Variants in UST observed in about 807,000 individuals in gnomAD.
The protein encoded by UST is uronyl 2-sulfotransferase.
Under a neutral mutation model 45.6 loss-of-function variants are expected in UST, and 21 were observed. The ratio of observed to expected loss-of-function variants is 0.46; its 90% CI spans 0.33 to 0.66. UST has a LOEUF of 0.66. UST is among the 30% of genes least tolerant of loss of function. UST has a pLI of 0.02. For synonymous variants in UST, 215 were observed against 200.6 expected (o/e 1.07, Z -0.61); for missense variants, 463 against 512.4 (o/e 0.90, Z 0.93).
At chr6:149,019,892 G>A (rs941429119) in intron 6 of UST, among the ~76,000 whole-genome samples, 5 of 152,146 alleles carry the variant, frequency 3.3e-5, no homozygotes, top group South Asian at 4.1e-4. Context: ...TCATAGTCTC[G>A]TGTGTAGCAG....
intron 5 of UST, among the ~76,000 whole-genome samples, chr6:148,999,362 T>C (rs1380006374): frequency 6.6e-6 from 1 of 152,230 alleles, no homozygotes; most frequent in African/African-American, 2.4e-5. Context: ...ATAGAACACC[T>C]ATCTGGCACT....
At chr6:148,810,108 A>G (rs1777226504) in intron 1 of UST, among the ~76,000 whole-genome samples, 1 of 152,240 alleles carries the variant, frequency 6.6e-6, no homozygotes, top group South Asian at 2.1e-4. Context: ...GCTAGAAGAT[A>G]AAACCCAGTA....
At chr6:148,861,765 C>A (rs1778317852) in intron 1 of UST, among the ~76,000 whole-genome samples, 1 of 152,168 alleles carries the variant, frequency 6.6e-6, no homozygotes, top group Non-Finnish European at 1.5e-5. Context: ...ACCCAGTAGT[C>A]ATTCAGGAGC....
intron 1 of UST, among the ~76,000 whole-genome samples, chr6:148,813,593 G>A (rs1208453870): frequency 1.3e-5 from 2 of 152,172 alleles, no homozygotes; most frequent in Non-Finnish European, 2.9e-5. Context: ...TGTTGGCCAA[G>A]CTGGTCTCAA....
intron 1 of UST, among the ~76,000 whole-genome samples, chr6:148,765,821 G>T (rs564542055): frequency 6.6e-6 from 1 of 152,130 alleles, no homozygotes; most frequent in Admixed American, 6.5e-5. Context: ...CTGTCCCTCC[G>T]TTCGGGGTCC....
intron 7 of UST, among the ~76,000 whole-genome samples, chr6:149,058,879 A>G (rs1776610626): frequency 6.6e-6 from 1 of 152,182 alleles, no homozygotes; most frequent in African/African-American, 2.4e-5. Flanking sequence ...TTAGTGGTAA[A>G]AACTGTGCTG....
intron 1 of UST, among the ~76,000 whole-genome samples, chr6:148,838,148 G>C (rs146475884): frequency 6.6e-6 from 1 of 152,226 alleles, no homozygotes; most frequent in Non-Finnish European, 1.5e-5. Flanking sequence ...TCATTAAATA[G>C]GTGACCAGGT....
intron 2 of UST, among the ~76,000 whole-genome samples, chr6:148,911,017 G>A (rs1204858291): frequency 6.6e-6 from 1 of 152,118 alleles, no homozygotes; most frequent in African/African-American, 2.4e-5. Flanking sequence ...GCCTGGTCTT[G>A]GGATTCAGCC....
intron 5 of UST, among the ~76,000 whole-genome samples, chr6:148,966,543 T>C (rs1353794591): frequency 6.6e-6 from 1 of 152,200 alleles, no homozygotes; most frequent in Non-Finnish European, 1.5e-5. Context: ...TGAACACTAC[T>C]CTTCAAATAT....
intron 7 of UST, among the ~76,000 whole-genome samples, chr6:149,070,998 C>T (rs539182551): frequency 5.3e-5 from 8 of 152,264 alleles, no homozygotes; most frequent in African/African-American, 1.9e-4. Context: ...GATCTCTTGG[C>T]CTCGTGATCC....
intron 2 of UST, among the ~76,000 whole-genome samples, chr6:148,910,221 A>G (rs1779447157): frequency 6.9e-6 from 1 of 145,784 alleles, no homozygotes; most frequent in Non-Finnish European, 1.5e-5. Context: ...GCTCACCACA[A>G]CCTCCGCCTC....
intron 1 of UST, among the ~76,000 whole-genome samples, chr6:148,780,805 T>C (rs1437334027): frequency 2.0e-5 from 3 of 152,210 alleles, no homozygotes; most frequent in African/African-American, 7.2e-5. Context: ...TCTTGCAATA[T>C]TTTCAACTTT....
Position 149,066,711 on chromosome 6 carries a change from C to T in UST, c.938-7122C>T, listed in dbSNP as rs115394154. ...GGTAACAGGAAAAGCTTCTCCTCCACCCTCTGAAGCTTACTTGAAAATGAA... is the reference window on the plus strand; with the variant it reads ...GGTAACAGGAAAAGCTTCTCCTCCATCCTCTGAAGCTTACTTGAAAATGAA... On this transcript the variant is annotated intron_variant, in intron 7 of 7. Transcript: ENST00000367463. Among the ~76,000 whole-genome samples the T allele has an allele frequency of 8.1e-3, 1,231 of 152,166 alleles. 21 individuals are homozygous for T. The highest frequency in any genetic ancestry group is 0.028 in the African/African-American group (1,172 of 41,504).
Position 148,794,646 on chromosome 6 carries a change from G to A in UST, c.247+46969G>A, listed in dbSNP as rs1362057403. On this transcript the variant is annotated intron_variant, in intron 1 of 7. Transcript: ENST00000367463. ...AATTTAGTTCCTATGTTGCTTGCTCGATCCCAGAGCCAGACCATTTACCTA... is the reference window on the plus strand; with the variant it reads ...AATTTAGTTCCTATGTTGCTTGCTCAATCCCAGAGCCAGACCATTTACCTA... Among the ~76,000 whole-genome samples, 6 of 152,254 alleles carry A rather than the reference G, an allele frequency of 3.9e-5. No homozygotes were observed. In the East Asian group the frequency reaches 1.2e-3, roughly 29 times the overall value.
At chr6:148,891,285 G>C (rs927870758) in intron 2 of UST, among the ~76,000 whole-genome samples, 18 of 152,046 alleles carry the variant, frequency 1.2e-4, no homozygotes, top group Admixed American at 1.1e-3. Context: ...TGCAAGCAGC[G>C]GGCAGCAGCA....
At chr6:148,872,165 A>G (rs1453938462) in intron 1 of UST, among the ~76,000 whole-genome samples, 1 of 152,210 alleles carries the variant, frequency 6.6e-6, no homozygotes, top group African/African-American at 2.4e-5. Flanking sequence ...CCCCCTTTCA[A>G]AGACAACACT....
At chr6:148,938,267 G>T (rs571269276) in intron 2 of UST, among the ~76,000 whole-genome samples, 1 of 152,216 alleles carries the variant, frequency 6.6e-6, no homozygotes, top group African/African-American at 2.4e-5. Context: ...GGCTCTTTAT[G>T]TACAAAGCAC....
intron 2 of UST, among the ~76,000 whole-genome samples, chr6:148,912,075 T>C (rs4895773): frequency 0.11 from 16,978 of 152,252 alleles, 1,411 homozygotes; most frequent in East Asian, 0.42. Flanking sequence ...TGAGCACCTG[T>C]AATCCCAGCT....
At chr6:148,922,680 A>G (rs899613159) in intron 2 of UST, among the ~76,000 whole-genome samples, 1 of 150,884 alleles carries the variant, frequency 6.6e-6, no homozygotes, top group Non-Finnish European at 1.5e-5. Context: ...TCACTGTGTT[A>G]GCCAGGATGG....
Sources: gnomAD v4.1 joint callset for allele counts (sites outside exome capture counted in the v4.1 genomes callset) on GRCh38, gnomAD v4.1.1 for gene constraint, MANE v1.5 for transcripts, NCBI Gene and HGNC (gene_info 2026-07-23, HGNC 2026-07-21) for gene names.